Variants in MEIKIN observed in about 807,000 individuals in gnomAD.
The protein encoded by MEIKIN is meiosis-specific kinetochore protein.
intron 8 of MEIKIN, among the ~76,000 whole-genome samples, chr5:131,889,952 T>G (rs1750878013): frequency 6.6e-6 from 1 of 152,238 alleles, no homozygotes; most frequent in Admixed American, 6.5e-5. Flanking sequence ...AGGCCTTTTC[T>G]GCATCTATTG....
intron 9 of MEIKIN, among the ~76,000 whole-genome samples, chr5:131,872,248 GA>G (rs56315009): frequency 6.6e-6 from 1 of 151,546 alleles, no homozygotes; most frequent in East Asian, 1.9e-4. Context: ...TAAAAACTTC[GA>G]AAAAAAATTA....
intron 8 of MEIKIN, among the ~76,000 whole-genome samples, chr5:131,906,723 G>T (rs879789165): frequency 5.3e-5 from 8 of 152,158 alleles, no homozygotes; most frequent in Non-Finnish European, 1.0e-4. Context: ...CAGTAACGCA[G>T]ATAAATCTGG....
At chr5:131,821,322 T>C (rs1431456822) in intron 11 of MEIKIN, among the ~76,000 whole-genome samples, 3 of 152,246 alleles carry the variant, frequency 2.0e-5, no homozygotes, top group Admixed American at 1.3e-4. Flanking sequence ...TTCCTCATTA[T>C]TGATTTTAAG....
intron 7 of MEIKIN, among the ~76,000 whole-genome samples, chr5:131,912,688 T>G (rs1751349845): frequency 6.6e-6 from 1 of 152,224 alleles, no homozygotes; most frequent in African/African-American, 2.4e-5. Flanking sequence ...TAGTACCTTC[T>G]CGCCTCTGAA....
At chr5:131,842,965 G>A (rs896952701) in intron 11 of MEIKIN, among the ~76,000 whole-genome samples, 4 of 152,246 alleles carry the variant, frequency 2.6e-5, no homozygotes, top group Non-Finnish European at 5.9e-5. Context: ...TACAGCCTCT[G>A]AAATCTAGGC....
intron 4 of MEIKIN, among the ~76,000 whole-genome samples, chr5:131,938,285 A>G (rs570105046): frequency 6.6e-6 from 1 of 151,658 alleles, no homozygotes; most frequent in East Asian, 1.9e-4. Flanking sequence ...TCCTGCCTCA[A>G]AAATTCCGAG....
Position 131,892,975 on chromosome 5 carries a change from G to T in MEIKIN, c.704-13927C>A, listed in dbSNP as rs547500943. Among the ~76,000 whole-genome samples, 567 of 152,284 alleles carry T rather than the reference G, an allele frequency of 3.7e-3. 4 individuals carry two copies. The highest frequency in any genetic ancestry group is 0.013 in the African/African-American group (537 of 41,558). On this transcript the variant is annotated intron_variant, in intron 8 of 12. Transcript: ENST00000442687. ...GCAGGTCTGTTGGAGTTTGCTGGAG[G>T]TTCACTCCAGACCCTGTTTGCCTGG...
At chr5:131,822,236 C>T (rs1749522530) in intron 11 of MEIKIN, among the ~76,000 whole-genome samples, 1 of 151,996 alleles carries the variant, frequency 6.6e-6, no homozygotes, top group Non-Finnish European at 1.5e-5. Context: ...TTTTTTTAAT[C>T]CATTCAGCCA....
At chr5:131,826,093 T>C (rs1346835347) in intron 11 of MEIKIN, among the ~76,000 whole-genome samples, 1 of 149,562 alleles carries the variant, frequency 6.7e-6, no homozygotes, top group East Asian at 1.9e-4. Context: ...TTTCTTTTTT[T>C]TTTTTTTTTT....
chr5:131,853,662 T>C (rs747224940), intron 10 of MEIKIN, among the ~76,000 whole-genome samples: 2 of 152,010 alleles, frequency 1.3e-5, no homozygotes, highest in African/African-American at 2.4e-5. Context: ...AACTCAACAA[T>C]TAAAAATTCA....
At chr5:131,878,441 C>T (rs1750650966) in intron 9 of MEIKIN, among the ~76,000 whole-genome samples, 5 of 152,116 alleles carry the variant, frequency 3.3e-5, no homozygotes, top group Admixed American at 6.5e-5. Context: ...GTGGCAGGCA[C>T]CCGTAGTCCC....
chr5:131,833,553 C>T (rs1451803938), intron 11 of MEIKIN, among the ~76,000 whole-genome samples: 1 of 152,150 alleles, frequency 6.6e-6, no homozygotes, highest in Non-Finnish European at 1.5e-5. Flanking sequence ...TTCCACATGG[C>T]TTGGGAGGCC....
At chr5:131,820,797 G>A (rs941439203) in intron 11 of MEIKIN, among the ~76,000 whole-genome samples, 1 of 152,038 alleles carries the variant, frequency 6.6e-6, no homozygotes, top group Admixed American at 6.6e-5. Context: ...CAAATTATTG[G>A]CATATAGTTG....
In MEIKIN at chr5:131,819,751, C is replaced by T. The variant is rs545919702; in HGVS notation, c.976-888G>A. 4.1e-5 allele frequency among the ~76,000 whole-genome samples: 6 copies of T among 146,080 alleles called. No individual in the cohort carries two copies. In the South Asian group the frequency reaches 1.3e-3, roughly 31 times the overall value. On this transcript the variant is annotated intron_variant, in intron 11 of 12. Transcript: ENST00000442687. ...AGTAGCTGAAACTATAGGCATGCAC[C>T]ACTACATCCAGCTATTTTTTTTTTT... is the stretch of plus-strand genomic sequence containing the variant.
chr5:131,896,046 T>C lies in MEIKIN; in HGVS notation c.703+15769A>G, dbSNP rs138183085. Among the ~76,000 whole-genome samples, 488 of 152,270 alleles carry C rather than the reference T, an allele frequency of 3.2e-3. 6 individuals carry two copies. Among genetic ancestry groups the C allele is most frequent in the African/African-American group, 0.012 (479 of 41,556 alleles). On this transcript the variant is annotated intron_variant, in intron 8 of 12. Coordinates refer to ENST00000442687, the MANE Select transcript of MEIKIN (RefSeq NM_001303622.2). ...TTAGTGCTATAAATTGCCCTCTACA[T>C]ACTGCTTTAGCTTTGTCCCAGAGAT...
In MEIKIN at chr5:131,877,997, C is replaced by T. The variant is rs545772016; in HGVS notation, c.774+981G>A. ...GCATATCCATGATAGACATACCATC[C>T]GCTCATTAGTTACTCAGTAGCTGTT... is the stretch of plus-strand genomic sequence containing the variant. On this transcript the variant is annotated intron_variant, in intron 9 of 12. Transcript: ENST00000442687. 1.3e-4 allele frequency among the ~76,000 whole-genome samples: 20 copies of T among 152,308 alleles called. No individual in the cohort carries two copies. The South Asian group carries it at 2.5e-3, about 19-fold the overall frequency.
At chr5:131,920,375 A>C (rs754951309) in intron 6 of MEIKIN, among the ~76,000 whole-genome samples, 14 of 152,244 alleles carry the variant, frequency 9.2e-5, no homozygotes, top group Admixed American at 3.9e-4. Context: ...CAAACACCAC[A>C]GTAATAAAGG....
chr5:131,923,669 G>A lies in MEIKIN; in HGVS notation c.479-1728C>T, dbSNP rs148749670. On this transcript the variant is annotated intron_variant, in intron 5 of 12. Coordinates refer to ENST00000442687, the MANE Select transcript of MEIKIN (RefSeq NM_001303622.2). Reference sequence around the variant, plus strand: ...TCATAGCATCCTATTCTTATTTAACGGATAAAATACATATTTTCTTATCTC... The same window carrying A: ...TCATAGCATCCTATTCTTATTTAACAGATAAAATACATATTTTCTTATCTC... Among the ~76,000 whole-genome samples, 339 of 149,490 alleles carry A rather than the reference G, an allele frequency of 2.3e-3. 2 individuals are homozygous for A. Among genetic ancestry groups the A allele is most frequent in the African/African-American group, 7.8e-3 (318 of 40,810 alleles).
chr5:131,873,133 T>A (rs1226323637), intron 9 of MEIKIN, among the ~76,000 whole-genome samples: 1 of 152,168 alleles, frequency 6.6e-6, no homozygotes, highest in African/African-American at 2.4e-5. Flanking sequence ...GACAGGATCA[T>A]ATTCACATAT....
Sources: gnomAD v4.1 joint callset for allele counts (sites outside exome capture counted in the v4.1 genomes callset) on GRCh38, gnomAD v4.1.1 for gene constraint, MANE v1.5 for transcripts, NCBI Gene and HGNC (gene_info 2026-07-23, HGNC 2026-07-21) for gene names.